The following LARP7 variants were observed in gnomAD, a reference collection of about 807,000 sequenced individuals.
The protein encoded by LARP7 is la-related protein 7.
A neutral mutation model predicts 69.3 loss-of-function variants in LARP7; 52 were observed. The ratio of observed to expected loss-of-function variants is 0.75; its 90% CI spans 0.60 to 0.95. The LOEUF is 0.95. Ranked by LOEUF, LARP7 falls within the 40% of genes least tolerant of loss-of-function variation. The probability of loss-of-function intolerance (pLI) is 0.00; values close to 1 mark genes in which losing one functional copy is unlikely to be tolerated. For missense variants in LARP7, 733 were observed against 673.0 expected, an observed-to-expected ratio of 1.09 and a Z score of -0.99; for synonymous variants, 254 against 215.9, an observed-to-expected ratio of 1.18 and a Z score of -1.55.
chr4:112,644,490 TA>T, intron 1 of LARP7, 177 bp from the exon 2 acceptor site: 1 of 1,164,480 alleles, frequency 8.6e-7, no homozygotes, highest in Non-Finnish European at 1.1e-6. Context: ...ACATAGAAGG[TA>T]AATTATTTTT....
rs533488980 is a variant in LARP7, at chr4:112,648,922, C to T, written c.1143-613C>T. On this transcript the variant is annotated intron_variant, in intron 8 of 12. Coordinates refer to ENST00000344442, the MANE Select transcript of LARP7 (RefSeq NM_016648.4). ...AACCATTACCACAAGATATCTTCCT[C>T]TTAAAAAAAAAAAAGAAAAAGAAAA... 6.4e-5 allele frequency among the ~76,000 whole-genome samples: 9 copies of T among 141,702 alleles called. No individual in the cohort carries two copies. In the South Asian group the frequency reaches 2.0e-3, roughly 32 times the overall value. 93.0% of individuals were successfully genotyped at this position (141,702 alleles called of 152,430 possible). A position where few individuals can be genotyped will look rare whatever the true frequency, so the allele number is the denominator to read the frequency against.
At position 112,637,876 on chromosome 4, in the gene LARP7, C is replaced by T. The variant is rs191475047; in HGVS notation, c.-3+637C>T. 3.3e-5 allele frequency: 5 copies of T among 152,346 alleles called. No individual in the cohort carries two copies. In the East Asian group the frequency reaches 7.7e-4, roughly 23 times the overall value. 9.4% of individuals were successfully genotyped at this position (152,346 alleles called of 1,614,324 possible). A position where few individuals can be genotyped will look rare whatever the true frequency, so the allele number is the denominator to read the frequency against. On this transcript the variant is annotated intron_variant, in intron 1 of 12. Transcript: ENST00000344442. ...ACAAAGCAGAACACACAGGCCACTA[C>T]GTGTTGAGGGACTTGAGTTGTAAGC...
At chr4:112,644,253 A>C (rs554465139) in intron 1 of LARP7, 20 of 227,264 alleles carry the variant, frequency 8.8e-5, no homozygotes, top group African/African-American at 4.4e-4. Flanking sequence ...AGAAAAAAAA[A>C]AAAAGCGAAT....
intron 1 of LARP7, among the ~76,000 whole-genome samples, chr4:112,643,139 G>T (rs1431166699): frequency 1.3e-5 from 2 of 152,160 alleles, no homozygotes; most frequent in Non-Finnish European, 2.9e-5. Context: ...TGATTTCATT[G>T]ATCTTACCAT....
At chr4:112,639,217 T>C (rs1464915552) in intron 1 of LARP7, among the ~76,000 whole-genome samples, 1 of 150,786 alleles carries the variant, frequency 6.6e-6, no homozygotes, top group Non-Finnish European at 1.5e-5. Flanking sequence ...ACTTTTTTTT[T>C]TTTTTTTTTT....
chr4:112,649,180 G>A (rs2048578147), intron 8 of LARP7, among the ~76,000 whole-genome samples: 1 of 152,098 alleles, frequency 6.6e-6, no homozygotes, highest in Non-Finnish European at 1.5e-5. Flanking sequence ...ATTGGAAGCA[G>A]TTTAACAAAT....
At position 112,653,096 on chromosome 4, in the gene LARP7, CAG is replaced by C. The variant is rs1179580905; in HGVS notation, c.1438_1439del (p.Glu480SerfsTer5). On this transcript the variant is annotated frameshift_variant, in exon 11 of 13. Transcript: ENST00000344442. LOFTEE classifies it high-confidence loss of function. ...ATGCAGGATACTTTGGCAGCAATCTCAGAAGTTCTTTATGTTGATTTGCTAGA... is the reference window on the plus strand; with the variant it reads ...ATGCAGGATACTTTGGCAGCAATCTCAAGTTCTTTATGTTGATTTGCTAGA... The C allele has an allele frequency of 6.3e-7, 1 of 1,591,706 alleles. No individual in the cohort carries two copies.
intron 1 of LARP7, among the ~76,000 whole-genome samples, chr4:112,641,845 T>C (rs1175015841): frequency 6.6e-6 from 1 of 152,082 alleles, no homozygotes; most frequent in Non-Finnish European, 1.5e-5. Context: ...AGGTGGACAG[T>C]TGAATATTGG....
intron 8 of LARP7, chr4:112,648,229 G>A (rs778523465): frequency 1.9e-6 from 1 of 532,406 alleles, no homozygotes; most frequent in African/African-American, 1.9e-5. Context: ...TTCAAAGCAA[G>A]TACATCCACG....
Position 112,647,501 on chromosome 4 carries a change from C to A in LARP7, c.949C>A (p.Gln317Lys). 1.9e-6 allele frequency: 3 copies of A among 1,613,250 alleles called. No individual in the cohort carries two copies. ...APRSKVKKII[Q>K]KDIIKEASEA... ...CCGATCAAAAGTAAAGAAAATTATT[C>A]AGAAAGACATCATTAAGGAAGCATC... Residue 317 changes from glutamine to lysine, a missense_variant, in exon 7 of 13, where the codon CAG becomes AAG. Transcript: ENST00000344442.
chr4:112,650,420 T>C (rs915014947), intron 9 of LARP7, 41 bp from the exon 10 acceptor site: 2 of 1,606,268 alleles, frequency 1.2e-6, no homozygotes, highest in African/African-American at 2.7e-5. Context: ...TGTTGTTAAG[T>C]GTAAGAGATT....
intron 12 of LARP7, among the ~76,000 whole-genome samples, chr4:112,656,551 G>C (rs546598008): frequency 5.8e-4 from 89 of 152,276 alleles, no homozygotes; most frequent in African/African-American, 2.0e-3. Flanking sequence ...CTATGATTTT[G>C]AACACATTGG....
intron 8 of LARP7, 148 bp downstream of exon 8, chr4:112,647,982 A>C: frequency 1.4e-6 from 1 of 725,822 alleles, no homozygotes; most frequent in Non-Finnish European, 2.6e-6. Context: ...CGTTAACGCA[A>C]TTGCTGATTA....
rs975445832 is a variant in LARP7 at position 112,652,304 on chromosome 4, C to G, written c.1417-773C>G. Among the ~76,000 whole-genome samples, 42 of 141,936 alleles carry G rather than the reference C, an allele frequency of 3.0e-4. 1 individual carries two copies. The highest frequency in any genetic ancestry group is 2.0e-3 in the East Asian group (9 of 4,448). 93.1% of individuals were successfully genotyped at this position (141,936 alleles called of 152,430 possible). ...AGATAAATAAGATTTCCCCCCCCCC[C>G]CCATTTAGCAATCTCCAGTTACTTC... On this transcript the variant is annotated intron_variant, in intron 10 of 12. Transcript: ENST00000344442.
Position 112,657,336 on chromosome 4 carries a change from A to C in LARP7, c.*9A>C. 2 of 1,490,524 alleles carry C rather than the reference A, an allele frequency of 1.3e-6. No individual in the cohort carries two copies. Among genetic ancestry groups the C allele is most frequent in the Non-Finnish European group, 1.8e-6 (2 of 1,086,860 alleles). The allele number at this position is 1,490,524 out of a possible 1,614,324, so 92.3% of individuals were successfully genotyped here. Reference sequence around the variant, plus strand: ...TTTCTGAATATGATTGAAAAAAAAAACAGTTCACCTCTTAATACTTCACAA... The same window carrying C: ...TTTCTGAATATGATTGAAAAAAAAACCAGTTCACCTCTTAATACTTCACAA... On this transcript the variant is annotated 3_prime_UTR_variant, in exon 13 of 13. Transcript: ENST00000344442.
chr4:112,652,301 C>CG (rs1231155240), intron 10 of LARP7, among the ~76,000 whole-genome samples: 1 of 141,460 alleles, frequency 7.1e-6, no homozygotes, highest in Non-Finnish European at 1.5e-5. Flanking sequence ...TTTCCCCCCC[C>CG]CCCCCATTTA....
chr4:112,655,702 G>C (rs1468176257), intron 12 of LARP7, among the ~76,000 whole-genome samples: 3 of 152,190 alleles, frequency 2.0e-5, no homozygotes, highest in African/African-American at 7.2e-5. Context: ...ATATAGTTTA[G>C]GTGATGACCA....
In LARP7 at chr4:112,646,372, T is replaced by C. The variant is rs1258834841; in HGVS notation, c.224T>C (p.Val75Ala). The change falls in exon 3 of 13, where the codon GTG becomes GCG. Residue 75 changes from valine (V) to alanine (A), a missense_variant. Physicochemically the swap from Val to Ala is moderately conservative, Grantham distance 64 (BLOSUM62 0). Transcript: ENST00000344442. ...TTAGATGTTGATATATCACTACTTG[T>C]GTCTTTTAACAAAATGAAAAAATTG... ...RDGYVDISLLVSFNKMKKLTT... is the reference protein window; with the variant it reads ...RDGYVDISLLASFNKMKKLTT... The C allele has an allele frequency of 2.6e-6, 4 of 1,549,458 alleles. No homozygotes were observed. The South Asian group carries it at 3.4e-5, about 13-fold the overall frequency.
intron 1 of LARP7, among the ~76,000 whole-genome samples, chr4:112,643,089 G>T (rs911786022): frequency 6.6e-6 from 1 of 152,190 alleles, no homozygotes; most frequent in African/African-American, 2.4e-5. Flanking sequence ...TGACTGTATG[G>T]CAGGGACTGA....
Sources: gnomAD v4.1 joint callset for allele counts (sites outside exome capture counted in the v4.1 genomes callset) on GRCh38, gnomAD v4.1.1 for gene constraint, MANE v1.5 for transcripts, NCBI Gene and HGNC (gene_info 2026-07-23, HGNC 2026-07-21) for gene names.